PCDH11X: variants seen among roughly 807,000 people sequenced by gnomAD.
PCDH11X encodes the protein protocadherin 11 X-linked, also known as protocadherin-11 X-linked.
A neutral mutation model predicts 53.3 loss-of-function variants in PCDH11X; 18 were observed. The observed-to-expected ratio is 0.34, with a 90% CI of 0.23 to 0.50. PCDH11X has a LOEUF of 0.50. PCDH11X is among the 20% of genes least tolerant of loss of function. The pLI, the probability that PCDH11X is intolerant of heterozygous loss-of-function variation, is 0.98. For missense variants in PCDH11X, 570 were observed against 1,032.4 expected (o/e 0.55, Z 6.14); for synonymous variants, 279 against 393.3 (o/e 0.71, Z 3.44).
At chrX:92,464,597 C>A (rs1023800465) in intron 9 of PCDH11X, among the ~76,000 whole-genome samples, 3 of 110,691 alleles carry the variant, frequency 2.7e-5, no homozygotes, top group African/African-American at 9.9e-5. Flanking sequence ...TTTATAGCAG[C>A]ATGAGAACAA....
intron 10 of PCDH11X, among the ~76,000 whole-genome samples, chrX:92,491,461 C>A (rs937995678): frequency 3.6e-5 from 4 of 109,661 alleles, no homozygotes; most frequent in African/African-American, 1.3e-4. Context: ...TTTTTATTGT[C>A]TATATTTAAG....
intron 10 of PCDH11X, among the ~76,000 whole-genome samples, chrX:92,500,006 C>T (rs1328544454): frequency 9.0e-6 from 1 of 110,835 alleles, no homozygotes; most frequent in Non-Finnish European, 1.9e-5. Flanking sequence ...CCAAATCCAG[C>T]TCTTCACTAT....
At chrX:92,113,633 T>C in intron 6 of PCDH11X, 1 of 1,199,187 alleles carries the variant, frequency 8.3e-7, no homozygotes, top group Non-Finnish European at 1.1e-6. Flanking sequence ...TTGATGAAGA[T>C]GACTGCCTGG....
intron 6 of PCDH11X, among the ~76,000 whole-genome samples, chrX:92,198,161 C>T (rs2066323085): frequency 2.9e-5 from 3 of 105,236 alleles, no homozygotes; most frequent in African/African-American, 1.0e-4. Context: ...TTTCAGAGGC[C>T]GTGGCAAACA....
intron 6 of PCDH11X, among the ~76,000 whole-genome samples, chrX:91,963,048 G>A (rs1269138431): frequency 9.0e-6 from 1 of 111,315 alleles, no homozygotes; most frequent in Non-Finnish European, 1.9e-5. Flanking sequence ...GAAGACCTCT[G>A]ACATGTCCTG....
intron 1 of PCDH11X, among the ~76,000 whole-genome samples, chrX:91,787,289 T>C (rs1935365650): frequency 9.0e-6 from 1 of 110,797 alleles, no homozygotes; most frequent in Non-Finnish European, 1.9e-5. Context: ...TAGTGTTTTT[T>C]TTCCTGACAC....
chrX:92,137,501 A>G (rs2065101680), intron 6 of PCDH11X, among the ~76,000 whole-genome samples: 1 of 110,236 alleles, frequency 9.1e-6, no homozygotes, highest in Non-Finnish European at 1.9e-5. Flanking sequence ...GTTTTAGTAT[A>G]TAAGATCCTT....
At chrX:91,852,818 C>T (rs1166297208) in intron 5 of PCDH11X, among the ~76,000 whole-genome samples, 3 of 107,039 alleles carry the variant, frequency 2.8e-5, no homozygotes, top group African/African-American at 1.0e-4. Flanking sequence ...TCTCGGGTTG[C>T]GGTGGGGGCC....
intron 7 of PCDH11X, among the ~76,000 whole-genome samples, chrX:92,246,043 T>C (rs1015593770): frequency 1.8e-5 from 2 of 111,448 alleles, no homozygotes; most frequent in East Asian, 5.7e-4. Flanking sequence ...ATGAGGTAAA[T>C]ACAAATGTAA....
At chrX:91,924,160 G>A (rs929651548) in intron 6 of PCDH11X, among the ~76,000 whole-genome samples, 6 of 108,952 alleles carry the variant, frequency 5.5e-5, no homozygotes, top group African/African-American at 1.0e-4. Context: ...ATGGAAAGTC[G>A]CTAATCAGAT....
intron 10 of PCDH11X, among the ~76,000 whole-genome samples, chrX:92,586,523 T>C (rs1924398706): frequency 1.9e-5 from 2 of 103,890 alleles, no homozygotes; most frequent in Admixed American, 2.1e-4. Flanking sequence ...TTTATACCTA[T>C]AAAGTAGCAA....
chrX:92,468,530 T>C (rs913033477), intron 10 of PCDH11X, among the ~76,000 whole-genome samples: 42 of 107,948 alleles, frequency 3.9e-4, no homozygotes, highest in African/African-American at 1.3e-3. Flanking sequence ...GAATGCTTTT[T>C]CTAAATTGTG....
intron 9 of PCDH11X, among the ~76,000 whole-genome samples, chrX:92,440,981 A>G (rs1482714712): frequency 9.0e-6 from 1 of 111,389 alleles, no homozygotes; most frequent in Non-Finnish European, 1.9e-5. Context: ...AGGTGGTCTT[A>G]GATAGAGATA....
intron 6 of PCDH11X, among the ~76,000 whole-genome samples, chrX:92,016,748 A>T (rs1381345479): frequency 8.9e-6 from 1 of 111,907 alleles, no homozygotes; most frequent in Non-Finnish European, 1.9e-5. Flanking sequence ...GCCATAAGGC[A>T]GTTTCACTTT....
At chrX:92,127,269 T>G (rs1055676587) in intron 6 of PCDH11X, among the ~76,000 whole-genome samples, 2 of 108,357 alleles carry the variant, frequency 1.8e-5, no homozygotes, top group African/African-American at 6.7e-5. Flanking sequence ...CATTTTCCTC[T>G]AATATAGATG....
intron 7 of PCDH11X, among the ~76,000 whole-genome samples, chrX:92,258,367 CT>C (rs199563708): frequency 0.078 from 6,994 of 89,620 alleles, 583 homozygotes; most frequent in African/African-American, 0.24. Context: ...ATGCAAATTT[CT>C]TTTTTTTTTT....
intron 6 of PCDH11X, among the ~76,000 whole-genome samples, chrX:92,041,934 A>C (rs1269974897): frequency 8.9e-6 from 1 of 112,259 alleles, no homozygotes; most frequent in East Asian, 2.8e-4. Flanking sequence ...ACACCACTGC[A>C]CTCTAGCCTG....
chrX:92,608,074 G>T (rs1184183567), intron 10 of PCDH11X, among the ~76,000 whole-genome samples: 2 of 110,230 alleles, frequency 1.8e-5, no homozygotes, highest in Admixed American at 1.9e-4. Context: ...AAGCATGATA[G>T]GGTAATGACA....
chrX:92,019,634 C>A (rs181134383), intron 6 of PCDH11X, among the ~76,000 whole-genome samples: 1 of 111,602 alleles, frequency 9.0e-6, no homozygotes, highest in East Asian at 2.8e-4. Context: ...GAAATTGAGC[C>A]AGAAATCAAG....
Sources: allele counts gnomAD v4.1 joint callset (sites outside exome capture counted in the v4.1 genomes callset), GRCh38; gene constraint gnomAD v4.1.1; transcripts MANE v1.5; gene names NCBI Gene and HGNC (gene_info 2026-07-23, HGNC 2026-07-21).